The following TMEM132D variants were observed in gnomAD, a reference collection of about 807,000 sequenced individuals.
The protein encoded by TMEM132D is transmembrane protein 132D, also known as mature OL transmembrane protein.
In TMEM132D, 21 loss-of-function variants were observed where a neutral mutation model predicts 62.3. That is an observed-to-expected ratio of 0.34 (90% CI 0.24 to 0.49). TMEM132D has a LOEUF of 0.49. Ranked by LOEUF, TMEM132D falls within the 20% of genes least tolerant of loss-of-function variation. The pLI, the probability that TMEM132D is intolerant of heterozygous loss-of-function variation, is 0.99. For synonymous variants in TMEM132D, 621 were observed against 575.6 expected (o/e 1.08, Z -1.13); for missense variants, 1,346 against 1,402.8 (o/e 0.96, Z 0.65).
intron 3 of TMEM132D, chr12:129,522,521 C>T (rs1353532725): frequency 6.6e-6 from 1 of 151,988 alleles, no homozygotes; most frequent in African/African-American, 2.4e-5. Flanking sequence ...GAGGTTTCGG[C>T]AAGTTTGATA....
chr12:129,456,494 G>A (rs747068519), intron 3 of TMEM132D, among the ~76,000 whole-genome samples: 2 of 152,114 alleles, frequency 1.3e-5, no homozygotes, highest in Non-Finnish European at 2.9e-5. Context: ...TGACTTCCCA[G>A]TGTCTGCCAG....
chr12:129,452,689 G>GA (rs531748028), intron 3 of TMEM132D, among the ~76,000 whole-genome samples: 174 of 150,672 alleles, frequency 1.2e-3, no homozygotes, highest in African/African-American at 3.6e-3. Flanking sequence ...AAGAAAGGAA[G>GA]AAAAAAAGAA....
intron 1 of TMEM132D, among the ~76,000 whole-genome samples, chr12:129,847,719 C>T (rs1873406783): frequency 6.6e-6 from 1 of 152,148 alleles, no homozygotes. Flanking sequence ...AGGTGACGTT[C>T]TGCTAGTCTC....
At chr12:129,632,526 T>A (rs1185741057) in intron 2 of TMEM132D, among the ~76,000 whole-genome samples, 1 of 152,152 alleles carries the variant, frequency 6.6e-6, no homozygotes, top group African/African-American at 2.4e-5. Flanking sequence ...GACCTCCCCA[T>A]TCATTTTTAC....
intron 1 of TMEM132D, among the ~76,000 whole-genome samples, chr12:129,798,984 G>A (rs964485694): frequency 5.9e-5 from 9 of 152,184 alleles, no homozygotes; most frequent in Admixed American, 4.6e-4. Context: ...TATGGATGTC[G>A]GCCGGACGCA....
In TMEM132D at chr12:129,699,869, G is replaced by A. The variant is rs147671149; in HGVS notation, c.909C>T (p.Asp303=). ...HYIPKTVRKG[D]VLTFPVSISR... is the part of the protein sequence containing the mutation. ...AGATGGAAACAGGAAAAGTCAGCAC[G>A]TCTCCTTTCCTCACGGTCTTTGGTA... The change falls in exon 2 of 9, where the codon GAC becomes GAT. Residue 303 remains aspartate, a synonymous_variant. Transcript: ENST00000422113. 6.2e-7 allele frequency: 1 copy of A among 1,614,174 alleles called. No individual in the cohort carries two copies. The highest frequency in any genetic ancestry group is 8.5e-7 in the Non-Finnish European group (1 of 1,180,044).
At position 129,095,868 on chromosome 12, in the gene TMEM132D, A is replaced by ATTTT. The variant is rs370201621; in HGVS notation, c.1444-11170_1444-11167dup. On this transcript the variant is annotated intron_variant, in intron 5 of 8. Transcript: ENST00000422113. ...TTGTGTAAGCCACCTGCTCCTTGGT[A>ATTTT]TTTTTTTTGATGGGAACCCTAGGAA... Among the ~76,000 whole-genome samples the ATTTT allele has an allele frequency of 5.1e-3, 782 of 152,000 alleles. 6 individuals carry two copies. Among genetic ancestry groups the ATTTT allele is most frequent in the African/African-American group, 0.018 (730 of 41,460 alleles).
chr12:129,777,479 C>A (rs369157060), intron 1 of TMEM132D, among the ~76,000 whole-genome samples: 1 of 152,194 alleles, frequency 6.6e-6, no homozygotes, highest in Non-Finnish European at 1.5e-5. Flanking sequence ...TGTACCAGAA[C>A]GGCCACCCAG....
intron 1 of TMEM132D, among the ~76,000 whole-genome samples, chr12:129,789,344 A>C (rs530971417): frequency 3.9e-5 from 6 of 152,250 alleles, no homozygotes; most frequent in African/African-American, 1.4e-4. Context: ...GAGTTACTTC[A>C]CTTAGAATAA....
rs1277118772 is a variant in TMEM132D at position 129,105,830 on chromosome 12, T to G, written c.1444-21128A>C. ...TTACACTGTTGGTGGGACTGTAAACTAGTTCAACCATTGTGGAAGTCAGTG... is the reference window on the plus strand; with the variant it reads ...TTACACTGTTGGTGGGACTGTAAACGAGTTCAACCATTGTGGAAGTCAGTG... On this transcript the variant is annotated intron_variant, in intron 5 of 8. Coordinates refer to ENST00000422113, the MANE Select transcript of TMEM132D (RefSeq NM_133448.3). Among the ~76,000 whole-genome samples, 4 of 151,316 alleles carry G rather than the reference T, an allele frequency of 2.6e-5. No homozygotes were observed. In the East Asian group the frequency reaches 7.8e-4, roughly 29 times the overall value.
At chr12:129,322,756 C>G (rs1868765220) in intron 4 of TMEM132D, among the ~76,000 whole-genome samples, 1 of 151,996 alleles carries the variant, frequency 6.6e-6, no homozygotes. Flanking sequence ...CTGTTGCATA[C>G]AGTAAGAGGT....
chr12:129,527,290 C>CCGGAGTG (rs1566099035), intron 3 of TMEM132D, among the ~76,000 whole-genome samples: 1 of 152,090 alleles, frequency 6.6e-6, no homozygotes, highest in Non-Finnish European at 1.5e-5. Context: ...GCTTGGGCAA[C>CCGGAGTG]AGTGTGAGAC....
At chr12:129,566,528 C>T (rs1190366077) in intron 2 of TMEM132D, among the ~76,000 whole-genome samples, 2 of 152,166 alleles carry the variant, frequency 1.3e-5, no homozygotes, top group Non-Finnish European at 2.9e-5. Context: ...GACTGTAAGA[C>T]TGACAAAACA....
At chr12:129,884,232 T>C (rs1386189984) in intron 1 of TMEM132D, among the ~76,000 whole-genome samples, 2 of 152,214 alleles carry the variant, frequency 1.3e-5, no homozygotes, top group African/African-American at 4.8e-5. Context: ...GATATGGCAA[T>C]ATCAGTTACA....
rs530824841 is a variant in TMEM132D at position 129,143,075 on chromosome 12, G to A, written c.1444-58373C>T. ...TAACCTCTAATTCAGTTCTGACACTGTCTACCCAAAGATAGCATCAGATCC... is the reference window on the plus strand; with the variant it reads ...TAACCTCTAATTCAGTTCTGACACTATCTACCCAAAGATAGCATCAGATCC... On this transcript the variant is annotated intron_variant, in intron 5 of 8. Coordinates refer to ENST00000422113, the MANE Select transcript of TMEM132D (RefSeq NM_133448.3). Among the ~76,000 whole-genome samples, 184 of 152,146 alleles carry A rather than the reference G, an allele frequency of 1.2e-3. 2 individuals are homozygous for A. Among genetic ancestry groups the A allele is most frequent in the Non-Finnish European group, 1.7e-3 (113 of 68,012 alleles).
intron 3 of TMEM132D, among the ~76,000 whole-genome samples, chr12:129,513,780 C>T (rs989898441): frequency 3.3e-5 from 5 of 149,938 alleles, no homozygotes; most frequent in South Asian, 2.1e-4. Flanking sequence ...CCACCGCGCC[C>T]GGCCAATGGG....
chr12:129,608,939 T>A (rs1314801293), intron 2 of TMEM132D, among the ~76,000 whole-genome samples: 1 of 122,360 alleles, frequency 8.2e-6, no homozygotes, highest in East Asian at 2.7e-4. Context: ...GGCCCTCAAA[T>A]TGTTCTTTTT....
At chr12:129,350,936 T>C (rs1310761481) in intron 3 of TMEM132D, among the ~76,000 whole-genome samples, 3 of 152,234 alleles carry the variant, frequency 2.0e-5, no homozygotes, top group Non-Finnish European at 4.4e-5. Context: ...AAATGACAGC[T>C]GTTCCAGTGC....
At chr12:129,108,204 C>T (rs918062896) in intron 5 of TMEM132D, among the ~76,000 whole-genome samples, 15 of 152,282 alleles carry the variant, frequency 9.9e-5, no homozygotes, top group Middle Eastern at 3.4e-3. Context: ...TATCCCTGAA[C>T]GTCCTTACAT....
Sources: allele counts gnomAD v4.1 joint callset (sites outside exome capture counted in the v4.1 genomes callset), GRCh38; gene constraint gnomAD v4.1.1; transcripts MANE v1.5; gene names NCBI Gene and HGNC (gene_info 2026-07-23, HGNC 2026-07-21).